FGFR2: variants seen among roughly 807,000 people sequenced by gnomAD.
The protein encoded by FGFR2 is fibroblast growth factor receptor 2.
A neutral mutation model predicts 95.9 loss-of-function variants in FGFR2; 19 were observed. The ratio of observed to expected loss-of-function variants is 0.20; its 90% CI spans 0.14 to 0.29. The LOEUF is 0.29. Among genes scored for constraint, FGFR2 ranks in the 10% least tolerant of loss-of-function variants. FGFR2 has a pLI of 1.00. For missense variants in FGFR2, 707 were observed against 1,056.9 expected, an observed-to-expected ratio of 0.67 and a Z score of 4.59; for synonymous variants, 392 against 393.3, an observed-to-expected ratio of 1.00 and a Z score of 0.04.
intron 2 of FGFR2, among the ~76,000 whole-genome samples, chr10:121,573,885 A>C (rs1173054352): frequency 6.6e-6 from 1 of 152,100 alleles, no homozygotes; most frequent in Non-Finnish European, 1.5e-5. Context: ...TACAGAGTAA[A>C]TGTCACGGCT....
In FGFR2 at chr10:121,551,230, T is replaced by G. The variant is rs1048190680; in HGVS notation, c.624+60A>C. 10 of 1,584,992 alleles carry G rather than the reference T, an allele frequency of 6.3e-6. No individual in the cohort carries two copies. In the Admixed American group the frequency reaches 8.4e-5, roughly 13 times the overall value. On this transcript the variant is annotated intron_variant, in intron 5 of 17. Coordinates refer to ENST00000358487, the MANE Select transcript of FGFR2 (RefSeq NM_000141.5). ...GCGAGACTCCATCGCAAAAAAAAAATGTAAATAAATAAATAAACAAAAATG... is the reference window on the plus strand; with the variant it reads ...GCGAGACTCCATCGCAAAAAAAAAAGGTAAATAAATAAATAAACAAAAATG...
chr10:121,494,994 A>T (rs1270339101), intron 13 of FGFR2, among the ~76,000 whole-genome samples: 1 of 152,068 alleles, frequency 6.6e-6, no homozygotes, highest in Non-Finnish European at 1.5e-5. Flanking sequence ...TACACTTAGG[A>T]ATTGTCTCAT....
At chr10:121,588,658 T>C (rs935940322) in intron 2 of FGFR2, among the ~76,000 whole-genome samples, 2 of 152,056 alleles carry the variant, frequency 1.3e-5, no homozygotes. Flanking sequence ...GTGTGGTGGC[T>C]CACACTTGTA....
In FGFR2 at chr10:121,479,425, AAATATAT is replaced by A. The variant is rs768174116; in HGVS notation, c.*425_*431del. 8.2e-5 allele frequency: 31 copies of A among 376,670 alleles called. 1 individual carries two copies. The highest frequency in any genetic ancestry group is 1.3e-4 in the Non-Finnish European group (28 of 218,634). 23.3% of individuals were successfully genotyped at this position (376,670 alleles called of 1,614,324 possible). A position where few individuals can be genotyped will look rare whatever the true frequency, so the allele number is the denominator to read the frequency against. On this transcript the variant is annotated 3_prime_UTR_variant, in exon 18 of 18. Transcript: ENST00000358487. ...ATCAATACAAAAAATAACTCCTTGT[AAATATAT>A]AATATATATTTATACATAATTTGAA...
chr10:121,480,911 G>A (rs1219072860), intron 17 of FGFR2, among the ~76,000 whole-genome samples: 2 of 151,116 alleles, frequency 1.3e-5, no homozygotes, highest in Non-Finnish European at 2.9e-5. Context: ...ATTGGTAAGC[G>A]GTTGAAAAAA....
At chr10:121,535,587 A>T (rs1195650091) in intron 6 of FGFR2, among the ~76,000 whole-genome samples, 1 of 152,188 alleles carries the variant, frequency 6.6e-6, no homozygotes, top group East Asian at 1.9e-4. Context: ...GGTACCACTC[A>T]ATGATGAACG....
At chr10:121,576,085 G>A (rs1859696905) in intron 2 of FGFR2, among the ~76,000 whole-genome samples, 1 of 151,992 alleles carries the variant, frequency 6.6e-6, no homozygotes, top group Non-Finnish European at 1.5e-5. Context: ...TACTAAGGAG[G>A]GTGAGGCAGG....
In FGFR2 at chr10:121,509,482, CTTTTTTTTTTTT is replaced by C. The variant is rs67778522; in HGVS notation, c.1288-5553_1288-5542del. 6.4e-4 allele frequency among the ~76,000 whole-genome samples: 29 copies of C among 45,356 alleles called. 1 individual carries two copies. Among genetic ancestry groups the C allele is most frequent in the East Asian group, 9.4e-4 (1 of 1,062 alleles). The allele number at this position is 45,356 out of a possible 152,430, so 29.8% of individuals were successfully genotyped here. On this transcript the variant is annotated intron_variant, in intron 9 of 17. Transcript: ENST00000358487. ...AGAAACAGTGTTATCTGTTTCTTTT[CTTTTTTTTTTTT>C]TTTTTTTTTTTTTTTGGTTTGAGAC... is the stretch of plus-strand genomic sequence containing the variant.
At chr10:121,540,830 C>T (rs1383222979) in intron 5 of FGFR2, among the ~76,000 whole-genome samples, 1 of 152,176 alleles carries the variant, frequency 6.6e-6, no homozygotes, top group African/African-American at 2.4e-5. Context: ...TCTCTGGACC[C>T]CATTCAAACT....
At chr10:121,482,199 T>C in intron 17 of FGFR2, 2 of 1,611,106 alleles carry the variant, frequency 1.2e-6, no homozygotes, top group Non-Finnish European at 1.7e-6. Context: ...AAAACAGGGA[T>C]ATCAGTAGAT....
intron 6 of FGFR2, among the ~76,000 whole-genome samples, chr10:121,525,333 G>A (rs41295537): frequency 1.3e-5 from 2 of 152,264 alleles, no homozygotes; most frequent in East Asian, 1.9e-4. Flanking sequence ...CACTGCTGCC[G>A]GGACAGTTGG....
chr10:121,545,515 G>A (rs1280125803), intron 5 of FGFR2, among the ~76,000 whole-genome samples: 6 of 152,214 alleles, frequency 3.9e-5, no homozygotes, highest in Admixed American at 1.3e-4. Context: ...GGTAAGTCAC[G>A]ACGCAGGGGA....
chr10:121,533,406 G>A (rs1175254408), intron 6 of FGFR2, among the ~76,000 whole-genome samples: 1 of 152,112 alleles, frequency 6.6e-6, no homozygotes, highest in African/African-American at 2.4e-5. Flanking sequence ...CACAAGGAGT[G>A]GAGAGAAGAC....
At chr10:121,498,688 G>A (rs1847204558) in intron 11 of FGFR2, 83 bp from the exon 12 acceptor site, 3 of 1,092,800 alleles carry the variant, frequency 2.7e-6, no homozygotes, top group Non-Finnish European at 2.8e-6. Context: ...AGACTTAGTT[G>A]AAACAGCATG....
In FGFR2 at chr10:121,556,102, TTGGATGGATGGA is replaced by T. The variant is rs58257467; in HGVS notation, c.455-4655_455-4644del. ...CTATGGAGTAGGCACTCAAGCGTTA[TTGGATGGATGGA>T]TGGATGGATGGATGGACGGACGGAT... On this transcript the variant is annotated intron_variant, in intron 4 of 17. Coordinates refer to ENST00000358487, the MANE Select transcript of FGFR2 (RefSeq NM_000141.5). 7.9e-5 allele frequency among the ~76,000 whole-genome samples: 12 copies of T among 152,022 alleles called. 1 individual carries two copies. The highest frequency in any genetic ancestry group is 4.6e-4 in the Admixed American group (7 of 15,256).
Position 121,565,577 on chromosome 10 carries a change from C to A in FGFR2, c.237G>T (p.Leu79Phe). The change falls in exon 3 of 18, where the codon TTG (leucine) becomes TTT (phenylalanine). Residue 79 changes from leucine (L) to phenylalanine (F), a missense_variant. Coordinates refer to ENST00000358487, the MANE Select transcript of FGFR2 (RefSeq NM_000141.5). ...TAAGCACTGTCCTATTGTTGGGCCCCAAGTGCACCCCATCCTTAGTCCAAC... is the reference window on the plus strand; with the variant it reads ...TAAGCACTGTCCTATTGTTGGGCCCAAAGTGCACCCCATCCTTAGTCCAAC... Reference protein sequence around the residue: ...VISWTKDGVHLGPNNRTVLIG... With the variant: ...VISWTKDGVHFGPNNRTVLIG... The A allele has an allele frequency of 6.2e-7, 1 of 1,614,178 alleles. No homozygotes were observed. Among genetic ancestry groups the A allele is most frequent in the Non-Finnish European group, 8.5e-7 (1 of 1,180,038 alleles).
At chr10:121,508,298 G>A (rs1848587819) in intron 9 of FGFR2, among the ~76,000 whole-genome samples, 1 of 152,206 alleles carries the variant, frequency 6.6e-6, no homozygotes, top group South Asian at 2.1e-4. Context: ...TGCCAAGGAT[G>A]GGCTGGGGTT....
intron 2 of FGFR2, among the ~76,000 whole-genome samples, chr10:121,590,306 A>G (rs978157006): frequency 6.6e-6 from 1 of 152,208 alleles, no homozygotes; most frequent in East Asian, 1.9e-4. Flanking sequence ...TTAATTAACC[A>G]GAGTAGGTGA....
chr10:121,576,860 C>G (rs1483442856), intron 2 of FGFR2, among the ~76,000 whole-genome samples: 1 of 151,810 alleles, frequency 6.6e-6, no homozygotes, highest in East Asian at 1.9e-4. Flanking sequence ...CAAGGCCGGG[C>G]ATGGTGGCTC....
Sources: allele counts gnomAD v4.1 joint callset (sites outside exome capture counted in the v4.1 genomes callset), GRCh38; gene constraint gnomAD v4.1.1; transcripts MANE v1.5; gene names NCBI Gene and HGNC (gene_info 2026-07-23, HGNC 2026-07-21).